SLC2A13: variants seen among roughly 807,000 people sequenced by gnomAD.
SLC2A13 encodes solute carrier family 2 member 13, also known as proton myo-inositol cotransporter.
Under a neutral mutation model 64.4 loss-of-function variants are expected in SLC2A13, and 32 were observed. The ratio of observed to expected loss-of-function variants is 0.50; its 90% CI spans 0.37 to 0.67. The LOEUF (loss-of-function observed/expected upper bound fraction) is 0.67, where lower values mean the gene tolerates loss of function less well. SLC2A13 is among the 30% of genes least tolerant of loss of function. The pLI is 0.00. For missense variants in SLC2A13, 743 were observed against 829.2 expected (o/e 0.90, Z 1.28); for synonymous variants, 338 against 327.1 (o/e 1.03, Z -0.36).
chr12:40,002,583 A>T (rs1479937685), intron 3 of SLC2A13, among the ~76,000 whole-genome samples: 1 of 152,204 alleles, frequency 6.6e-6, no homozygotes, highest in African/African-American at 2.4e-5. Flanking sequence ...GGAACAAATG[A>T]TCTTCAATTC....
At chr12:39,977,328 C>T (rs545213423) in intron 3 of SLC2A13, among the ~76,000 whole-genome samples, 1 of 152,298 alleles carries the variant, frequency 6.6e-6, no homozygotes, top group South Asian at 2.1e-4. Context: ...TTCTAATGTT[C>T]CCACATATCA....
chr12:40,032,670 ATCAGATGGCCAGGG>A (rs1947923066), intron 2 of SLC2A13, among the ~76,000 whole-genome samples: 1 of 152,320 alleles, frequency 6.6e-6, no homozygotes, highest in East Asian at 1.9e-4. Context: ...TGTCTCTTCC[ATCAGATGGCCAGGG>A]GCCTCACAAC....
chr12:39,928,118 T>C (rs1211205084), intron 4 of SLC2A13, among the ~76,000 whole-genome samples: 2 of 152,180 alleles, frequency 1.3e-5, no homozygotes, highest in Non-Finnish European at 2.9e-5. Flanking sequence ...AACATTATTT[T>C]GAAAAGGGAA....
chr12:40,033,278 C>A (rs140992555), intron 2 of SLC2A13, among the ~76,000 whole-genome samples: 5 of 152,316 alleles, frequency 3.3e-5, no homozygotes, highest in Admixed American at 6.5e-5. Flanking sequence ...TTCTGTAGAA[C>A]ACATTAAAAA....
chr12:40,017,227 T>C (rs1947635469), intron 3 of SLC2A13, among the ~76,000 whole-genome samples: 1 of 152,212 alleles, frequency 6.6e-6, no homozygotes, highest in Non-Finnish European at 1.5e-5. Flanking sequence ...TGACTGTATC[T>C]GGCAATGAGG....
intron 3 of SLC2A13, among the ~76,000 whole-genome samples, chr12:40,018,128 C>G (rs28370659): frequency 0.12 from 17,727 of 152,152 alleles, 1,391 homozygotes; most frequent in Middle Eastern, 0.18. Context: ...AGCTCATGGG[C>G]CAAATCTGGC....
At chr12:39,833,387 C>T (rs1213198256) in intron 6 of SLC2A13, among the ~76,000 whole-genome samples, 1 of 152,048 alleles carries the variant, frequency 6.6e-6, no homozygotes, top group Non-Finnish European at 1.5e-5. Context: ...AGAACAACTG[C>T]TCTGCTACCT....
intron 1 of SLC2A13, among the ~76,000 whole-genome samples, chr12:40,062,143 T>C (rs1948433650): frequency 6.6e-6 from 1 of 152,084 alleles, no homozygotes; most frequent in African/African-American, 2.4e-5. Context: ...TCTTATTACA[T>C]ACAAAAGTCA....
intron 5 of SLC2A13, among the ~76,000 whole-genome samples, chr12:39,868,790 T>C (rs562625760): frequency 6.6e-6 from 1 of 152,292 alleles, no homozygotes; most frequent in African/African-American, 2.4e-5. Context: ...TGAACAAGCT[T>C]TGAAAATACA....
intron 3 of SLC2A13, among the ~76,000 whole-genome samples, chr12:39,959,084 T>C (rs77757231): frequency 1.3e-5 from 2 of 152,212 alleles, no homozygotes; most frequent in African/African-American, 4.8e-5. Flanking sequence ...AGAGCAAGTA[T>C]GGGGATTGAG....
intron 7 of SLC2A13, among the ~76,000 whole-genome samples, chr12:39,828,215 A>C (rs1475331343): frequency 6.6e-6 from 1 of 152,176 alleles, no homozygotes. Flanking sequence ...TCCACCTAGA[A>C]GGAGCACCGT....
At chr12:40,004,322 T>C (rs1292046560) in intron 3 of SLC2A13, among the ~76,000 whole-genome samples, 1 of 152,076 alleles carries the variant, frequency 6.6e-6, no homozygotes, top group Admixed American at 6.6e-5. Flanking sequence ...GTAGCTGCGA[T>C]TACAGGAATG....
chr12:39,956,978 A>G (rs1308734465), intron 3 of SLC2A13, among the ~76,000 whole-genome samples: 2 of 152,146 alleles, frequency 1.3e-5, no homozygotes, highest in Non-Finnish European at 2.9e-5. Context: ...TTAGGGCCCT[A>G]TAATTGGGCT....
Position 40,105,317 on chromosome 12 carries a change from C to T in SLC2A13, c.492G>A (p.Val164=), listed in dbSNP as rs772683267. 5.6e-6 allele frequency: 9 copies of T among 1,600,316 alleles called. No homozygotes were observed. In the South Asian group the frequency reaches 8.9e-5, roughly 16 times the overall value. The part of the protein sequence containing the change: ...ASALFTAGSA[V]LAAANNKETL... Reference sequence around the variant, plus strand: ...TCTCCTTGTTGTTGGCCGCAGCCAGCACCGCGGAGCCGGCGGTGAAGAGGG... The same window carrying T: ...TCTCCTTGTTGTTGGCCGCAGCCAGTACCGCGGAGCCGGCGGTGAAGAGGG... The change falls in exon 1 of 10, where the codon GTG becomes GTA. Residue 164 remains valine, a synonymous_variant. Transcript: ENST00000280871. The surrounding 1 kb of genome is among the most constrained non-coding windows in gnomAD (Gnocchi z 4.2).
intron 3 of SLC2A13, among the ~76,000 whole-genome samples, chr12:39,992,296 C>G (rs945546332): frequency 2.0e-5 from 3 of 152,158 alleles, no homozygotes; most frequent in African/African-American, 7.2e-5. Context: ...TACCCTTATT[C>G]TATTTTCATT....
chr12:39,794,949 T>C (rs1023092894), intron 7 of SLC2A13, among the ~76,000 whole-genome samples: 2 of 152,178 alleles, frequency 1.3e-5, no homozygotes, highest in African/African-American at 4.8e-5. Context: ...TCCTTAGCTG[T>C]TTTTTAAGAT....
intron 7 of SLC2A13, among the ~76,000 whole-genome samples, chr12:39,800,403 A>C (rs867530616): frequency 1.3e-5 from 2 of 151,114 alleles, no homozygotes; most frequent in Non-Finnish European, 2.9e-5. Context: ...TTACAAGAAA[A>C]AAACAAACAA....
intron 4 of SLC2A13, among the ~76,000 whole-genome samples, chr12:39,887,071 G>A (rs1170448258): frequency 6.6e-6 from 1 of 152,142 alleles, no homozygotes; most frequent in Non-Finnish European, 1.5e-5. Flanking sequence ...AAAAGAGACT[G>A]TTATGGAAAT....
intron 5 of SLC2A13, among the ~76,000 whole-genome samples, chr12:39,867,204 G>T (rs1394262122): frequency 6.6e-6 from 1 of 152,062 alleles, no homozygotes; most frequent in East Asian, 1.9e-4. Context: ...ATATCTTATT[G>T]CCATGCAACA....
Sources: allele counts gnomAD v4.1 joint callset (sites outside exome capture counted in the v4.1 genomes callset), GRCh38; gene constraint gnomAD v4.1.1; non-coding constraint Gnocchi (gnomAD v3.1); transcripts MANE v1.5; gene names NCBI Gene and HGNC (gene_info 2026-07-23, HGNC 2026-07-21).